The following MEIKIN variants were observed in gnomAD, a reference collection of about 807,000 sequenced individuals.
The protein encoded by MEIKIN is meiosis-specific kinetochore protein.
At chr5:131,845,522 A>G (rs1750003636) in intron 11 of MEIKIN, among the ~76,000 whole-genome samples, 1 of 151,726 alleles carries the variant, frequency 6.6e-6, no homozygotes, top group Non-Finnish European at 1.5e-5. Flanking sequence ...AAGATGCTCA[A>G]AGAACTAAAG....
chr5:131,872,851 C>A (rs1288882223), intron 9 of MEIKIN, among the ~76,000 whole-genome samples: 1 of 152,220 alleles, frequency 6.6e-6, no homozygotes, highest in African/African-American at 2.4e-5. Flanking sequence ...ATTCAACATT[C>A]TTAAAGAAAA....
chr5:131,837,363 G>A (rs1045083505), intron 11 of MEIKIN, among the ~76,000 whole-genome samples: 2 of 152,048 alleles, frequency 1.3e-5, no homozygotes, highest in South Asian at 2.1e-4. Context: ...GTTTTCATAC[G>A]TATTTTAAAA....
At chr5:131,829,071 G>T (rs903452906) in intron 11 of MEIKIN, among the ~76,000 whole-genome samples, 1 of 151,936 alleles carries the variant, frequency 6.6e-6, no homozygotes, top group Non-Finnish European at 1.5e-5. Context: ...CAGAATACAA[G>T]GGACAAGGAG....
At chr5:131,885,558 A>C (rs1043414973) in intron 8 of MEIKIN, among the ~76,000 whole-genome samples, 1 of 152,238 alleles carries the variant, frequency 6.6e-6, no homozygotes, top group Admixed American at 6.5e-5. Context: ...CAAGAACTAC[A>C]GTGTTACTGG....
chr5:131,878,817 G>T (rs2149628375), intron 9 of MEIKIN, 161 bp downstream of exon 9: 1 of 371,750 alleles, frequency 2.7e-6, no homozygotes. Flanking sequence ...CAAGGCTGTA[G>T]TGAGCTATGA....
At chr5:131,874,989 T>C (rs1750585480) in intron 9 of MEIKIN, among the ~76,000 whole-genome samples, 1 of 152,114 alleles carries the variant, frequency 6.6e-6, no homozygotes, top group Admixed American at 6.6e-5. Context: ...TGATGGGACG[T>C]ATCTCAAAAT....
chr5:131,841,067 T>C (rs554262687), intron 11 of MEIKIN, among the ~76,000 whole-genome samples: 2 of 152,168 alleles, frequency 1.3e-5, no homozygotes, highest in Non-Finnish European at 2.9e-5. Flanking sequence ...TGTGGTATAA[T>C]GTGAGTTCAG....
At position 131,824,195 on chromosome 5, in the gene MEIKIN, A is replaced by T. The variant is rs181648777; in HGVS notation, c.976-5332T>A. ...TCCCTCAGGCCCCAGGCTCTCAAGG[A>T]TGAACAAGCAACCAAAAACTATCAG... is the stretch of plus-strand genomic sequence containing the variant. On this transcript the variant is annotated intron_variant, in intron 11 of 12. Transcript: ENST00000442687. Among the ~76,000 whole-genome samples, 16 of 152,200 alleles carry T rather than the reference A, an allele frequency of 1.1e-4. No homozygotes were observed. In the East Asian group the frequency reaches 2.3e-3, roughly 22 times the overall value.
intron 3 of MEIKIN, among the ~76,000 whole-genome samples, chr5:131,943,078 A>G (rs1751900798): frequency 6.6e-6 from 1 of 152,102 alleles, no homozygotes; most frequent in Non-Finnish European, 1.5e-5. Flanking sequence ...TACTAGAAAT[A>G]AAATTAAAGG....
At position 131,893,277 on chromosome 5, in the gene MEIKIN, A is replaced by C. The variant is rs186706726; in HGVS notation, c.704-14229T>G. 1.0e-3 allele frequency among the ~76,000 whole-genome samples: 158 copies of C among 152,220 alleles called. 1 individual carries two copies. The highest frequency in any genetic ancestry group is 3.6e-3 in the African/African-American group (151 of 41,540). On this transcript the variant is annotated intron_variant, in intron 8 of 12. Coordinates refer to ENST00000442687, the MANE Select transcript of MEIKIN (RefSeq NM_001303622.2). ...CCCAGCCGCTTTGTTTACCTAATCAAGTCTTGGGAATGGTGGGCGCCCCTC... is the reference window on the plus strand; with the variant it reads ...CCCAGCCGCTTTGTTTACCTAATCACGTCTTGGGAATGGTGGGCGCCCCTC...
intron 4 of MEIKIN, among the ~76,000 whole-genome samples, chr5:131,938,687 C>T (rs1751822668): frequency 6.6e-6 from 1 of 152,092 alleles, no homozygotes; most frequent in Admixed American, 6.6e-5. Context: ...TTTACAAGAG[C>T]CTGCACTTGT....
chr5:131,868,531 C>A (rs1750429786), intron 9 of MEIKIN, among the ~76,000 whole-genome samples: 1 of 151,902 alleles, frequency 6.6e-6, no homozygotes, highest in South Asian at 2.1e-4. Flanking sequence ...TTTTCATTTT[C>A]TTATTCTTGA....
intron 6 of MEIKIN, among the ~76,000 whole-genome samples, chr5:131,920,042 G>C (rs1751478938): frequency 6.6e-6 from 1 of 152,184 alleles, no homozygotes. Flanking sequence ...TGGAAAATTA[G>C]TATTTTGACT....
At chr5:131,828,157 A>G (rs1025772141) in intron 11 of MEIKIN, among the ~76,000 whole-genome samples, 1 of 152,162 alleles carries the variant, frequency 6.6e-6, no homozygotes, top group African/African-American at 2.4e-5. Flanking sequence ...AAGGTTTAAT[A>G]TAAGATTTGT....
rs1158220526 is a variant in MEIKIN, at chr5:131,845,272, T to TAAAAAAAAAAA, written c.975+5981_975+5991dup. Among the ~76,000 whole-genome samples, 345 of 45,344 alleles carry TAAAAAAAAAAA rather than the reference T, an allele frequency of 7.6e-3. 42 individuals are homozygous for TAAAAAAAAAAA. The highest frequency in any genetic ancestry group is 0.046 in the African/African-American group (327 of 7,146). 29.7% of individuals were successfully genotyped at this position (45,344 alleles called of 152,430 possible). ...GTGACAGAGCGAGAAGACTTCGTCTTAAAAAAAAAAAAAAAAAAAAAAAAA... is the reference window on the plus strand; with the variant it reads ...GTGACAGAGCGAGAAGACTTCGTCTTAAAAAAAAAAAAAAAAAAAAAAAAAAAAAAAAAAAA... On this transcript the variant is annotated intron_variant, in intron 11 of 12. Coordinates refer to ENST00000442687, the MANE Select transcript of MEIKIN (RefSeq NM_001303622.2).
chr5:131,862,290 C>T (rs547657933), intron 9 of MEIKIN, among the ~76,000 whole-genome samples: 3 of 152,112 alleles, frequency 2.0e-5, no homozygotes, highest in South Asian at 2.1e-4. Flanking sequence ...TCAGTAGTAA[C>T]GTCTCCTTTT....
At chr5:131,926,264 A>C (rs1403454923) in intron 5 of MEIKIN, among the ~76,000 whole-genome samples, 1 of 152,118 alleles carries the variant, frequency 6.6e-6, no homozygotes, top group Non-Finnish European at 1.5e-5. Flanking sequence ...GAATTTTGTC[A>C]AATCATTTTG....
At chr5:131,918,465 C>G (rs1751449910) in intron 6 of MEIKIN, among the ~76,000 whole-genome samples, 1 of 152,118 alleles carries the variant, frequency 6.6e-6, no homozygotes, top group South Asian at 2.1e-4. Flanking sequence ...GAAGACAAGG[C>G]CTTCAAACAC....
chr5:131,865,621 A>G (rs1378611261), intron 9 of MEIKIN, among the ~76,000 whole-genome samples: 2 of 152,052 alleles, frequency 1.3e-5, no homozygotes, highest in African/African-American at 4.8e-5. Flanking sequence ...CCTTACATTG[A>G]TATCTGTGCA....
Sources: gnomAD v4.1 joint callset for allele counts (sites outside exome capture counted in the v4.1 genomes callset) on GRCh38, gnomAD v4.1.1 for gene constraint, MANE v1.5 for transcripts, NCBI Gene and HGNC (gene_info 2026-07-23, HGNC 2026-07-21) for gene names.